The following SEMA4B variants were observed in gnomAD, a reference collection of about 807,000 sequenced individuals.
SEMA4B encodes semaphorin-4B.
A neutral mutation model predicts 88.1 loss-of-function variants in SEMA4B; 55 were observed. The ratio of observed to expected loss-of-function variants is 0.62; its 90% confidence interval spans 0.50 to 0.78. SEMA4B has a LOEUF of 0.78. Among genes scored for constraint, SEMA4B ranks in the 30% least tolerant of loss-of-function variants. The pLI is 0.00. For missense variants in SEMA4B, 1,062 were observed against 1,111.9 expected (o/e 0.96, Z 0.64); for synonymous variants, 525 against 473.6 (o/e 1.11, Z -1.41).
chr15:90,223,539 C>A lies in SEMA4B; in HGVS notation c.862-20C>A, dbSNP rs1263996814. ...GGCTCAGCATGTGCCTAAGCCCAGCCCATCCGACTCTCCCTCCAGGGCGAT... is the reference window on the plus strand; with the variant it reads ...GGCTCAGCATGTGCCTAAGCCCAGCACATCCGACTCTCCCTCCAGGGCGAT... On this transcript the variant is annotated intron_variant, in intron 7 of 13. Coordinates refer to ENST00000411539, the MANE Select transcript of SEMA4B (RefSeq NM_198925.4). 1.3e-6 allele frequency: 2 copies of A among 1,555,854 alleles called. No homozygotes were observed. Among genetic ancestry groups the A allele is most frequent in the Admixed American group, 1.9e-5 (1 of 53,982 alleles).
At position 90,228,161 on chromosome 15, in the gene SEMA4B, G is replaced by A. The variant is rs768000579; in HGVS notation, c.2032G>A (p.Gly678Arg). 3.8e-5 allele frequency: 62 copies of A among 1,610,432 alleles called. No homozygotes were observed. The highest frequency in any genetic ancestry group is 2.4e-5 in the Non-Finnish European group (28 of 1,178,456). Residue 678 changes from glycine to arginine, a missense_variant, in exon 14 of 14, where the codon GGG becomes AGG. Transcript: ENST00000411539. Reference protein sequence around the residue: ...ASYCPEVVEDGVADQTDEGGS... With the variant: ...ASYCPEVVEDRVADQTDEGGS... Reference sequence around the variant, plus strand: ...CTACTGCCCAGAGGTGGTGGAGGACGGGGTGGCAGACCAAACAGATGAGGG... The same window carrying A: ...CTACTGCCCAGAGGTGGTGGAGGACAGGGTGGCAGACCAAACAGATGAGGG...
At chr15:90,215,222 C>CTTT (rs35502396) in intron 1 of SEMA4B, among the ~76,000 whole-genome samples, 116 of 147,398 alleles carry the variant, frequency 7.9e-4, no homozygotes, top group African/African-American at 2.8e-3. Context: ...GTGTGTGTTT[C>CTTT]TTTTTTTTTT....
chr15:90,184,967 G>T, exon 1 of SEMA4B: 1 of 985,892 alleles, frequency 1.0e-6, no homozygotes, highest in Non-Finnish European at 1.2e-6. Context: ...CCGAGACTCC[G>T]GGTCCCCAGG....
intron 1 of SEMA4B, among the ~76,000 whole-genome samples, chr15:90,202,858 A>G (rs1476075398): frequency 1.3e-5 from 2 of 152,218 alleles, no homozygotes; most frequent in Admixed American, 1.3e-4. Context: ...CATCCTGTTT[A>G]CAAAGGGAAA....
At chr15:90,218,982 T>C (rs1204943985) in intron 3 of SEMA4B, among the ~76,000 whole-genome samples, 1 of 151,894 alleles carries the variant, frequency 6.6e-6, no homozygotes, top group Admixed American at 6.6e-5. Flanking sequence ...GATTTCACTC[T>C]GAGGGAGGTA....
chr15:90,218,707 C>G (rs1354261974), intron 3 of SEMA4B, among the ~76,000 whole-genome samples: 1 of 152,110 alleles, frequency 6.6e-6, no homozygotes, highest in Non-Finnish European at 1.5e-5. Flanking sequence ...CCCCAGCTAC[C>G]TGGGAGGCTG....
At chr15:90,192,728 T>C (rs961746441) in intron 1 of SEMA4B, among the ~76,000 whole-genome samples, 1 of 151,774 alleles carries the variant, frequency 6.6e-6, no homozygotes, top group Admixed American at 6.6e-5. Context: ...GTAGCAGGGA[T>C]TACAGCCTCA....
upstream of SEMA4B, among the ~76,000 whole-genome samples, chr15:90,198,858 C>G (rs1694064539): frequency 6.6e-6 from 1 of 152,176 alleles, no homozygotes; most frequent in African/African-American, 2.4e-5. Flanking sequence ...AAGCCCTGAT[C>G]TGGCTTGTGT....
chr15:90,225,770 C>A lies in SEMA4B; in HGVS notation c.1631C>A (p.Ala544Asp). 1 of 1,571,882 alleles carries A rather than the reference C, an allele frequency of 6.4e-7. No individual in the cohort carries two copies. The highest frequency in any genetic ancestry group is 1.4e-5 in the African/African-American group (1 of 73,758). ...DCLLARDPYC[A>D]WSGSSCKHVS... is the part of the protein sequence containing the mutation. Reference sequence around the variant, plus strand: ...CTCCTCGCCCGGGACCCCTACTGTGCTTGGAGCGGCTCCAGCTGCAAGCAC... The same window carrying A: ...CTCCTCGCCCGGGACCCCTACTGTGATTGGAGCGGCTCCAGCTGCAAGCAC... The change falls in exon 12 of 14, where the codon GCT becomes GAT. Residue 544 changes from alanine to aspartate, a missense_variant. Physicochemically the swap from Ala to Asp is moderately radical, Grantham distance 126 (BLOSUM62 -2). Coordinates refer to ENST00000411539, the MANE Select transcript of SEMA4B (RefSeq NM_198925.4).
At position 90,217,786 on chromosome 15, in the gene SEMA4B, C is replaced by T. The variant is rs1961610703; in HGVS notation, c.341C>T (p.Ala114Val). The part of the protein sequence containing the change: ...EYQELLWGAD[A>V]EKKQQCSFKG... ...CCCCAGCTGCTTTGGGGTGCAGACG[C>T]AGAGAAGAAACAGCAGTGCAGCTTC... The change falls in exon 3 of 14, where the codon GCA (alanine) becomes GTA (valine). Residue 114 changes from alanine (A) to valine (V), a missense_variant. Transcript: ENST00000411539. The T allele has an allele frequency of 6.2e-7, 1 of 1,613,534 alleles. No individual in the cohort carries two copies. Among genetic ancestry groups the T allele is most frequent in the Non-Finnish European group, 8.5e-7 (1 of 1,179,688 alleles).
chr15:90,217,550 T>C lies in SEMA4B; in HGVS notation c.269T>C (p.Leu90Pro). The C allele has an allele frequency of 1.2e-6, 2 of 1,613,950 alleles. No homozygotes were observed. The highest frequency in any genetic ancestry group is 1.7e-6 in the Non-Finnish European group (2 of 1,179,894). ...CTGTACGTGGGTGCTCGAGAGGCCC[T>C]CTTTGCACTCAGTAGCAACCTCAGC... is the stretch of plus-strand genomic sequence containing the variant. ...RTLYVGAREALFALSSNLSFL... is the reference protein window; with the variant it reads ...RTLYVGAREAPFALSSNLSFL... The change falls in exon 2 of 14, where the codon CTC becomes CCC. Residue 90 changes from leucine to proline, a missense_variant. Transcript: ENST00000411539.
chr15:90,214,117 G>A (rs1050277608), intron 1 of SEMA4B, among the ~76,000 whole-genome samples: 7 of 152,096 alleles, frequency 4.6e-5, no homozygotes, highest in Non-Finnish European at 8.8e-5. Context: ...TGAGGCAGGC[G>A]GATCACCTGA....
At chr15:90,197,913 TATTA>T (rs954215346), upstream of SEMA4B, among the ~76,000 whole-genome samples, 34 of 151,340 alleles carry the variant, frequency 2.2e-4, no homozygotes, top group African/African-American at 6.8e-4. Context: ...TTTATTTTAT[TATTA>T]ATTAATTAAT....
chr15:90,201,973 C>T (rs1960766293), intron 1 of SEMA4B, among the ~76,000 whole-genome samples: 1 of 152,266 alleles, frequency 6.6e-6, no homozygotes, highest in Admixed American at 6.5e-5. Flanking sequence ...GTCTAGCCCG[C>T]TCTGTCGTCC....
chr15:90,219,863 C>T lies in SEMA4B; in HGVS notation c.455C>T (p.Ala152Val). 6.2e-7 allele frequency: 1 copy of T among 1,613,362 alleles called. No homozygotes were observed. The highest frequency in any genetic ancestry group is 1.1e-5 in the South Asian group (1 of 91,082). ...SGSHLFTCGT[A>V]AFSPMCTYIN... Reference sequence around the variant, plus strand: ...AGTCACCTGTTCACCTGTGGCACAGCAGCCTTCAGCCCCATGTGTACCTAC... The same window carrying T: ...AGTCACCTGTTCACCTGTGGCACAGTAGCCTTCAGCCCCATGTGTACCTAC... The change falls in exon 4 of 14, where the codon GCA becomes GTA. Residue 152 changes from alanine (A) to valine (V), a missense_variant. Coordinates refer to ENST00000411539, the MANE Select transcript of SEMA4B (RefSeq NM_198925.4).
chr15:90,201,366 G>GGCCGGC lies in SEMA4B; in HGVS notation c.-205_-200dup, dbSNP rs1201047711. ...AGCTCTGCCCAAGCCGAGGCTGCGGGGCCGGCGCCGGCGGGAGGACTGCGG... is the reference window on the plus strand; with the variant it reads ...AGCTCTGCCCAAGCCGAGGCTGCGGGGCCGGCGCCGGCGCCGGCGGGAGGACTGCGG... On this transcript the variant is annotated 5_prime_UTR_variant, in exon 1 of 14. Coordinates refer to ENST00000411539, the MANE Select transcript of SEMA4B (RefSeq NM_198925.4). The GGCCGGC allele has an allele frequency of 9.0e-5, 112 of 1,248,752 alleles. No homozygotes were observed. Among genetic ancestry groups the GGCCGGC allele is most frequent in the Non-Finnish European group, 3.0e-5 (30 of 996,752 alleles). The allele number at this position is 1,248,752 out of a possible 1,614,324, so 77.4% of individuals were successfully genotyped here.
At chr15:90,222,216 A>C (rs1961890730) in intron 7 of SEMA4B, among the ~76,000 whole-genome samples, 1 of 147,866 alleles carries the variant, frequency 6.8e-6, no homozygotes, top group Admixed American at 6.7e-5. Context: ...CTGGGATTAC[A>C]GGCATGAGCC....
chr15:90,217,504 C>G lies in SEMA4B; in HGVS notation c.223C>G (p.Leu75Val). Residue 75 changes from leucine (L) to valine (V), a missense_variant, in exon 2 of 14, where the codon CTG becomes GTG. Leu to Val is a conservative substitution (Grantham distance 32, BLOSUM62 1). Transcript: ENST00000411539. ...EHISNYTALLLSRDGRTLYVG... is the reference protein window; with the variant it reads ...EHISNYTALLVSRDGRTLYVG... ...CATCTCCAACTACACAGCCCTTCTG[C>G]TGAGCAGGGATGGCAGGACCCTGTA... 6.2e-7 allele frequency: 1 copy of G among 1,613,972 alleles called. No homozygotes were observed. Among genetic ancestry groups the G allele is most frequent in the South Asian group, 1.1e-5 (1 of 91,082 alleles).
intron 1 of SEMA4B, among the ~76,000 whole-genome samples, chr15:90,188,815 C>G (rs973745689): frequency 3.3e-5 from 5 of 151,728 alleles, no homozygotes; most frequent in Non-Finnish European, 7.4e-5. Flanking sequence ...CTACAGGCAC[C>G]CACCACCACG....
Sources: gnomAD v4.1 joint callset for allele counts (sites outside exome capture counted in the v4.1 genomes callset) on GRCh38, gnomAD v4.1.1 for gene constraint, MANE v1.5 for transcripts, NCBI Gene and HGNC (gene_info 2026-07-23, HGNC 2026-07-21) for gene names.